The following GALNT13 variants were observed in gnomAD, a reference collection of about 807,000 sequenced individuals.
The protein encoded by GALNT13 is polypeptide N-acetylgalactosaminyltransferase 13.
A neutral mutation model predicts 64.2 loss-of-function variants in GALNT13; 28 were observed. That is an observed-to-expected ratio of 0.44 (90% CI 0.32 to 0.60). The LOEUF (loss-of-function observed/expected upper bound fraction) is 0.60, where lower values mean the gene tolerates loss of function less well. Ranked by LOEUF, GALNT13 falls within the 20% of genes least tolerant of loss-of-function variation. The pLI is 0.05. For missense variants in GALNT13, 577 were observed against 669.8 expected (o/e 0.86, Z 1.53); for synonymous variants, 214 against 224.6 (o/e 0.95, Z 0.42).
chr2:153,180,088 A>G, the GALNT13 span, among the ~76,000 whole-genome samples: 34 of 152,148 alleles, frequency 2.2e-4, no homozygotes, highest in Non-Finnish European at 4.4e-5. Context: ...CTGAGAGTGG[A>G]CATCCTTGTC....
chr2:153,963,242 T>G (rs932522666), intron 3 of GALNT13, among the ~76,000 whole-genome samples: 20 of 152,170 alleles, frequency 1.3e-4, no homozygotes, highest in African/African-American at 4.8e-4. Context: ...CACCTAAAAG[T>G]CTTCACCTCC....
chr2:154,022,481 A>C (rs1409408183), intron 3 of GALNT13, among the ~76,000 whole-genome samples: 3 of 152,072 alleles, frequency 2.0e-5, no homozygotes, highest in African/African-American at 7.2e-5. Context: ...TTTATTTTTA[A>C]TGGAGGTGTT....
chr2:154,277,553 T>G (rs899122034), intron 8 of GALNT13, among the ~76,000 whole-genome samples: 2 of 152,152 alleles, frequency 1.3e-5, no homozygotes, highest in Non-Finnish European at 2.9e-5. Context: ...AATTATGAGA[T>G]TTATTTAAAT....
the GALNT13 span, among the ~76,000 whole-genome samples, chr2:153,677,868 TA>T: frequency 2.4e-3 from 358 of 152,180 alleles, no homozygotes; most frequent in African/African-American, 8.4e-3. Flanking sequence ...TTTTGCCTTA[TA>T]AAACAATCAA....
intron 7 of GALNT13, among the ~76,000 whole-genome samples, chr2:154,256,749 A>G (rs73965414): frequency 0.017 from 2,618 of 152,184 alleles, 71 homozygotes; most frequent in African/African-American, 0.059. Context: ...CCTACTTACT[A>G]TGTGTGGTAG....
chr2:154,395,481 A>G (rs889613109), intron 9 of GALNT13, among the ~76,000 whole-genome samples: 1 of 152,116 alleles, frequency 6.6e-6, no homozygotes, highest in African/African-American at 2.4e-5. Flanking sequence ...AATCAATAAA[A>G]ATTAAGTTTA....
chr2:153,514,584 G>A, the GALNT13 span, among the ~76,000 whole-genome samples: 1 of 152,052 alleles, frequency 6.6e-6, no homozygotes, highest in Non-Finnish European at 1.5e-5. Flanking sequence ...GCATTTCTGG[G>A]TTCACATCTC....
the GALNT13 span, among the ~76,000 whole-genome samples, chr2:153,331,696 C>A: frequency 2.6e-5 from 4 of 151,990 alleles, no homozygotes; most frequent in Non-Finnish European, 5.9e-5. Flanking sequence ...AAGGGTGGAT[C>A]TGCCTTCCCC....
chr2:153,145,222 G>A, the GALNT13 span, among the ~76,000 whole-genome samples: 11 of 151,848 alleles, frequency 7.2e-5, no homozygotes, highest in Non-Finnish European at 1.6e-4. Context: ...ATAGCAATTT[G>A]AAAGGTAGGA....
chr2:153,888,138 C>T (rs1056321349), intron 1 of GALNT13, among the ~76,000 whole-genome samples: 6 of 151,846 alleles, frequency 4.0e-5, no homozygotes, highest in Non-Finnish European at 7.4e-5. Flanking sequence ...TTTGTCATTT[C>T]CTTCATAATA....
At chr2:153,523,041 C>CTGTTTTT in the GALNT13 span, among the ~76,000 whole-genome samples, 9 of 74,766 alleles carry the variant, frequency 1.2e-4, no homozygotes, top group African/African-American at 6.8e-4. Context: ...TCTGTGTTTA[C>CTGTTTTT]TATTTTTTTT....
At chr2:153,720,050 T>G in the GALNT13 span, among the ~76,000 whole-genome samples, 1 of 148,768 alleles carries the variant, frequency 6.7e-6, no homozygotes, top group African/African-American at 2.5e-5. Flanking sequence ...TCTGCAGACT[T>G]AAATGTCCCT....
At chr2:153,074,677 C>T in the GALNT13 span, among the ~76,000 whole-genome samples, 12 of 152,082 alleles carry the variant, frequency 7.9e-5, no homozygotes, top group Admixed American at 3.9e-4. Context: ...CCATCATTGA[C>T]GTAAATGTCA....
At chr2:153,420,833 C>A in the GALNT13 span, 1 of 243,610 alleles carries the variant, frequency 4.1e-6, no homozygotes. Flanking sequence ...TCAAGTCAGA[C>A]TTGTGGCCCA....
chr2:154,415,358 A>G (rs1699966383), intron 11 of GALNT13, among the ~76,000 whole-genome samples: 1 of 152,144 alleles, frequency 6.6e-6, no homozygotes, highest in South Asian at 2.1e-4. Flanking sequence ...AAAAAAATGT[A>G]AAGTAATGGA....
intron 9 of GALNT13, among the ~76,000 whole-genome samples, chr2:154,374,848 C>T (rs1353983939): frequency 6.6e-6 from 1 of 152,086 alleles, no homozygotes; most frequent in Admixed American, 6.6e-5. Flanking sequence ...TTCAAAAAGA[C>T]AACGAGCTAA....
At chr2:154,136,731 C>T (rs931230210) in intron 3 of GALNT13, among the ~76,000 whole-genome samples, 4 of 151,948 alleles carry the variant, frequency 2.6e-5, no homozygotes, top group Non-Finnish European at 4.4e-5. Context: ...CATTTTGAGT[C>T]AAACTAATTA....
chr2:153,070,795 T>C, the GALNT13 span, among the ~76,000 whole-genome samples: 1 of 152,180 alleles, frequency 6.6e-6, no homozygotes, highest in African/African-American at 2.4e-5. Flanking sequence ...TTTATTACGT[T>C]TATAAAAAAC....
intron 3 of GALNT13, among the ~76,000 whole-genome samples, chr2:153,981,963 T>C (rs1261840646): frequency 6.6e-6 from 1 of 152,078 alleles, no homozygotes; most frequent in Non-Finnish European, 1.5e-5. Context: ...GTTGTGGCAT[T>C]AGTGAGTAGT....
Sources: gnomAD v4.1 joint callset for allele counts (sites outside exome capture counted in the v4.1 genomes callset) on GRCh38, gnomAD v4.1.1 for gene constraint, MANE v1.5 for transcripts, NCBI Gene and HGNC (gene_info 2026-07-23, HGNC 2026-07-21) for gene names.